The following ADCY8 variants were observed in gnomAD, a reference collection of about 807,000 sequenced individuals.
ADCY8 encodes the protein adenylate cyclase 8, also known as adenylate cyclase type 8.
ADCY8 carries 51 observed loss-of-function variants against 119.7 expected under a neutral mutation model. The observed-to-expected ratio is 0.43, with a 90% confidence interval of 0.34 to 0.54. ADCY8 has a LOEUF of 0.54. Ranked by LOEUF, ADCY8 falls within the 20% of genes least tolerant of loss-of-function variation. The pLI is 0.03. For synonymous variants in ADCY8, 665 were observed against 651.0 expected (o/e 1.02, Z -0.33); for missense variants, 1,383 against 1,598.8 (o/e 0.87, Z 2.30).
At chr8:130,958,445 A>C (rs75592935) in intron 2 of ADCY8, among the ~76,000 whole-genome samples, 3,436 of 152,266 alleles carry the variant, frequency 0.023, 155 homozygotes, top group African/African-American at 0.077. Context: ...TGTGCTCTGC[A>C]TTAGCCTCTT....
chr8:130,854,803 GTCCCTCCCTCCCTCCCTCCCTCCC>G, intron 9 of ADCY8, among the ~76,000 whole-genome samples: 1 of 106,468 alleles, frequency 9.4e-6, no homozygotes, highest in South Asian at 3.6e-4. Flanking sequence ...CTTTCCCTCC[GTCCCTCCCTCCCTCCCTCCCTCCC>G]TCCCTCCCTC....
chr8:130,878,098 G>C (rs116499807), intron 8 of ADCY8, among the ~76,000 whole-genome samples: 1,934 of 152,290 alleles, frequency 0.013, 47 homozygotes, highest in African/African-American at 0.044. Context: ...CCTAGGGGCA[G>C]ACAATCATAC....
chr8:130,967,709 T>C (rs1821803383), intron 2 of ADCY8, among the ~76,000 whole-genome samples: 1 of 152,236 alleles, frequency 6.6e-6, no homozygotes, highest in African/African-American at 2.4e-5. Flanking sequence ...TTGTTTTTTT[T>C]TCTTTTTATG....
In ADCY8 at chr8:130,916,891, T is replaced by C. The variant is rs148341681; in HGVS notation, c.1482-7025A>G. ...CTCTGAAGGCTGTGAGACTCCTGAT[T>C]TCCCACTTCACACCTCTATATTTCT... On this transcript the variant is annotated intron_variant, in intron 5 of 17. Transcript: ENST00000286355. Among the ~76,000 whole-genome samples the C allele has an allele frequency of 7.9e-4, 120 of 152,324 alleles. No homozygotes were observed. In the East Asian group the frequency reaches 0.018, roughly 23 times the overall value.
intron 2 of ADCY8, among the ~76,000 whole-genome samples, chr8:130,974,160 C>T (rs1822003604): frequency 1.3e-5 from 2 of 152,232 alleles, no homozygotes; most frequent in South Asian, 4.1e-4. Flanking sequence ...GATGGGTTTT[C>T]CACCTCCCTA....
intron 1 of ADCY8, among the ~76,000 whole-genome samples, chr8:130,998,358 T>C (rs754528807): frequency 6.6e-6 from 1 of 152,088 alleles, no homozygotes; most frequent in Non-Finnish European, 1.5e-5. Context: ...GGGAAGAGCA[T>C]TCCAGGCACA....
At chr8:130,976,519 T>G (rs1172437043) in intron 2 of ADCY8, among the ~76,000 whole-genome samples, 1 of 152,220 alleles carries the variant, frequency 6.6e-6, no homozygotes, top group Non-Finnish European at 1.5e-5. Flanking sequence ...AGAGGTTATT[T>G]GAACACCATC....
At chr8:130,978,130 T>G (rs1822130376) in intron 2 of ADCY8, among the ~76,000 whole-genome samples, 1 of 152,088 alleles carries the variant, frequency 6.6e-6, no homozygotes, top group Non-Finnish European at 1.5e-5. Context: ...ATTAATTACA[T>G]TACCATAGAA....
Position 130,800,408 on chromosome 8 carries a change from T to A in ADCY8, c.3060+18A>T. The A allele has an allele frequency of 6.2e-7, 1 of 1,613,964 alleles. No homozygotes were observed. The highest frequency in any genetic ancestry group is 8.5e-7 in the Non-Finnish European group (1 of 1,179,920). ...CGATGCCCATTTGTGATTGTAAATGTCTCAGGCTTAGATTTACCTCATCGA... is the reference window on the plus strand; with the variant it reads ...CGATGCCCATTTGTGATTGTAAATGACTCAGGCTTAGATTTACCTCATCGA... On this transcript the variant is annotated intron_variant, in intron 15 of 17. Coordinates refer to ENST00000286355, the MANE Select transcript of ADCY8 (RefSeq NM_001115.3).
chr8:130,801,635 T>C (rs975140764), intron 14 of ADCY8, among the ~76,000 whole-genome samples: 1 of 152,192 alleles, frequency 6.6e-6, no homozygotes, highest in African/African-American at 2.4e-5. Context: ...CCTCCTTGTT[T>C]CCAAACTTCT....
At chr8:131,020,938 T>C (rs1823646202) in intron 1 of ADCY8, among the ~76,000 whole-genome samples, 1 of 152,210 alleles carries the variant, frequency 6.6e-6, no homozygotes, top group Non-Finnish European at 1.5e-5. Flanking sequence ...ACATCTGATC[T>C]AGGTCTTTCT....
At chr8:130,984,479 G>GT (rs34093565) in intron 2 of ADCY8, among the ~76,000 whole-genome samples, 660 of 145,092 alleles carry the variant, frequency 4.5e-3, no homozygotes, top group South Asian at 6.2e-3. Context: ...AGTTTGTTTA[G>GT]TTTTTTTTTT....
At chr8:130,914,461 C>T (rs919180832) in intron 5 of ADCY8, among the ~76,000 whole-genome samples, 9 of 151,038 alleles carry the variant, frequency 6.0e-5, no homozygotes, top group African/African-American at 2.0e-4. Flanking sequence ...GAAGACTTCA[C>T]ATTTTTTTAC....
intron 2 of ADCY8, among the ~76,000 whole-genome samples, chr8:130,953,951 A>G (rs966645551): frequency 5.9e-5 from 9 of 152,156 alleles, no homozygotes; most frequent in East Asian, 3.9e-4. Context: ...CTATTTGTCA[A>G]CTTCCCAGGT....
intron 1 of ADCY8, among the ~76,000 whole-genome samples, chr8:131,037,523 C>T (rs1824194432): frequency 6.6e-6 from 1 of 152,138 alleles, no homozygotes; most frequent in Non-Finnish European, 1.5e-5. Flanking sequence ...GTTGTGTGTA[C>T]TGAGAAAGGC....
chr8:130,912,375 T>A (rs1389634065), intron 5 of ADCY8, among the ~76,000 whole-genome samples: 1 of 152,294 alleles, frequency 6.6e-6, no homozygotes, highest in East Asian at 1.9e-4. Flanking sequence ...TGTCCAATAC[T>A]TTCTATTAAT....
intron 9 of ADCY8, among the ~76,000 whole-genome samples, chr8:130,851,428 A>G (rs1431675303): frequency 6.6e-6 from 1 of 152,036 alleles, no homozygotes. Context: ...GGGGAGCATG[A>G]GCAAAACATC....
intron 7 of ADCY8, among the ~76,000 whole-genome samples, chr8:130,890,057 C>T (rs1387450190): frequency 1.3e-5 from 2 of 151,926 alleles, no homozygotes; most frequent in East Asian, 3.9e-4. Context: ...GTCTCCGGCA[C>T]CTGGTATATC....
chr8:130,803,769 C>T (rs1331590631), intron 14 of ADCY8, among the ~76,000 whole-genome samples: 1 of 152,238 alleles, frequency 6.6e-6, no homozygotes, highest in African/African-American at 2.4e-5. Context: ...TTTCCCTGCA[C>T]TACACATGTG....
Sources: gnomAD v4.1 joint callset for allele counts (sites outside exome capture counted in the v4.1 genomes callset) on GRCh38, gnomAD v4.1.1 for gene constraint, MANE v1.5 for transcripts, NCBI Gene and HGNC (gene_info 2026-07-23, HGNC 2026-07-21) for gene names.